NRXN1: variants seen among roughly 807,000 people sequenced by gnomAD.
NRXN1 encodes neurexin 1.
In NRXN1, 39 loss-of-function variants were observed where a neutral mutation model predicts 150.9. The ratio of observed to expected loss-of-function variants is 0.26; its 90% confidence interval spans 0.20 to 0.34. The LOEUF is 0.34. Ranked by LOEUF, NRXN1 falls within the 10% of genes least tolerant of loss-of-function variation. The pLI, the probability that NRXN1 is intolerant of heterozygous loss-of-function variation, is 1.00. For synonymous variants in NRXN1, 924 were observed against 757.0 expected (o/e 1.22, Z -3.62); for missense variants, 1,815 against 1,949.9 (o/e 0.93, Z 1.30).
Position 50,610,675 on chromosome 2 carries a change from A to ATATC in NRXN1, c.1320+9343_1320+9346dup, listed in dbSNP as rs1263348359. Among the ~76,000 whole-genome samples the ATATC allele has an allele frequency of 2.3e-5, 3 of 129,910 alleles. 1 individual carries two copies. The highest frequency in any genetic ancestry group is 4.8e-5 in the Non-Finnish European group (3 of 62,132). The allele number at this position is 129,910 out of a possible 152,430, so 85.2% of individuals were successfully genotyped here. On this transcript the variant is annotated intron_variant, in intron 8 of 22. Coordinates refer to ENST00000401669, the MANE Select transcript of NRXN1 (RefSeq NM_001330078.2). The stretch of plus-strand genomic sequence containing the variant: ...TATATATATATATATATATATATAT[A>ATATC]TATCTGTACAAAACAGAATAGCCAG...
chr2:50,016,986 T>A (rs1686746570), intron 21 of NRXN1, among the ~76,000 whole-genome samples: 1 of 152,132 alleles, frequency 6.6e-6, no homozygotes, highest in Non-Finnish European at 1.5e-5. Flanking sequence ...AGCCCATCCA[T>A]CCTGCCACCT....
At chr2:50,555,779 T>C (rs1173069884) in intron 8 of NRXN1, among the ~76,000 whole-genome samples, 1 of 152,208 alleles carries the variant, frequency 6.6e-6, no homozygotes, top group Middle Eastern at 3.2e-3. Flanking sequence ...AATTACTATT[T>C]TGCCCTATTT....
At chr2:49,976,225 G>T (rs1164594547) in intron 21 of NRXN1, among the ~76,000 whole-genome samples, 5 of 150,948 alleles carry the variant, frequency 3.3e-5, no homozygotes, top group African/African-American at 9.8e-5. Context: ...TAGAGATGGG[G>T]TTACACCATG....
At chr2:50,252,938 T>C (rs1482903215) in intron 17 of NRXN1, among the ~76,000 whole-genome samples, 10 of 152,228 alleles carry the variant, frequency 6.6e-5, no homozygotes, top group Middle Eastern at 3.2e-3. Flanking sequence ...TTTTTTCTAA[T>C]TCTGTAAAGA....
intron 5 of NRXN1, among the ~76,000 whole-genome samples, chr2:50,759,345 A>G (rs1263301708): frequency 2.0e-5 from 3 of 151,816 alleles, no homozygotes; most frequent in Admixed American, 6.6e-5. Context: ...GACTTCCACA[A>G]CTCGGAAATA....
intron 18 of NRXN1, among the ~76,000 whole-genome samples, chr2:50,138,764 T>C (rs1246570959): frequency 6.6e-6 from 1 of 152,246 alleles, no homozygotes; most frequent in Non-Finnish European, 1.5e-5. Flanking sequence ...CATCTTATGT[T>C]ATTGTTCCAT....
intron 18 of NRXN1, among the ~76,000 whole-genome samples, chr2:50,198,451 G>A (rs578227213): frequency 9.9e-5 from 15 of 152,060 alleles, no homozygotes; most frequent in East Asian, 1.9e-4. Context: ...CACTTCCTTC[G>A]TATTTTCCCA....
intron 18 of NRXN1, among the ~76,000 whole-genome samples, chr2:50,140,139 T>C (rs1170680224): frequency 1.3e-5 from 2 of 152,152 alleles, no homozygotes; most frequent in East Asian, 1.9e-4. Flanking sequence ...TTAAAATATA[T>C]ACAGCATGAA....
intron 17 of NRXN1, among the ~76,000 whole-genome samples, chr2:50,323,427 C>G (rs528911009): frequency 1.1e-4 from 16 of 152,172 alleles, no homozygotes; most frequent in African/African-American, 3.6e-4. Flanking sequence ...AGACTAGAAC[C>G]ACTAAAGAGC....
At chr2:50,011,390 C>T (rs1389615144) in intron 21 of NRXN1, among the ~76,000 whole-genome samples, 2 of 152,118 alleles carry the variant, frequency 1.3e-5, no homozygotes, top group Non-Finnish European at 2.9e-5. Context: ...CAGAAATAAA[C>T]ATGTTCAGAG....
intron 8 of NRXN1, among the ~76,000 whole-genome samples, chr2:50,587,210 C>A (rs558802317): frequency 9.2e-5 from 14 of 152,420 alleles, no homozygotes; most frequent in Non-Finnish European, 1.8e-4. Context: ...TTTGGCCAGG[C>A]ATGGTGGCTC....
intron 2 of NRXN1, among the ~76,000 whole-genome samples, chr2:50,985,187 G>T (rs992817827): frequency 6.6e-6 from 1 of 151,894 alleles, no homozygotes; most frequent in Non-Finnish European, 1.5e-5. Context: ...CAAAAATGCT[G>T]TAGGTTTGGT....
At chr2:50,743,094 T>C (rs1699627401) in intron 5 of NRXN1, among the ~76,000 whole-genome samples, 1 of 152,148 alleles carries the variant, frequency 6.6e-6, no homozygotes, top group African/African-American at 2.4e-5. Flanking sequence ...GACAACAAAA[T>C]TAGAACATTT....
chr2:51,011,719 C>T (rs1354089054), intron 2 of NRXN1, among the ~76,000 whole-genome samples: 1 of 151,896 alleles, frequency 6.6e-6, no homozygotes, highest in African/African-American at 2.4e-5. Flanking sequence ...GATAAGGAGA[C>T]CAATTTATAT....
chr2:50,668,207 G>A (rs1688340215), intron 5 of NRXN1, among the ~76,000 whole-genome samples: 1 of 151,854 alleles, frequency 6.6e-6, no homozygotes, highest in Non-Finnish European at 1.5e-5. Flanking sequence ...CATTTTCACA[G>A]ATCATACACT....
intron 18 of NRXN1, among the ~76,000 whole-genome samples, chr2:50,209,320 C>A (rs765820508): frequency 1.3e-5 from 2 of 152,100 alleles, no homozygotes; most frequent in Non-Finnish European, 2.9e-5. Context: ...GAGTCTAATT[C>A]AAGGCATTAA....
At chr2:50,915,542 T>C (rs1419622365) in intron 5 of NRXN1, among the ~76,000 whole-genome samples, 1 of 151,592 alleles carries the variant, frequency 6.6e-6, no homozygotes, top group Non-Finnish European at 1.5e-5. Flanking sequence ...ATAATTTTGA[T>C]TGAGGATAAT....
intron 9 of NRXN1, 134 bp downstream of exon 9, chr2:50,552,453 A>G: frequency 3.0e-6 from 2 of 674,270 alleles, no homozygotes; most frequent in South Asian, 1.9e-5. Flanking sequence ...CAGAAGCAAT[A>G]TCAGGCAATT....
At chr2:50,163,200 T>G (rs1247510407) in intron 18 of NRXN1, among the ~76,000 whole-genome samples, 1 of 137,618 alleles carries the variant, frequency 7.3e-6, no homozygotes, top group East Asian at 1.9e-4. Flanking sequence ...CAATACTAAA[T>G]GTAGTATCTT....
Sources: gnomAD v4.1 joint callset for allele counts (sites outside exome capture counted in the v4.1 genomes callset) on GRCh38, gnomAD v4.1.1 for gene constraint, MANE v1.5 for transcripts, NCBI Gene and HGNC (gene_info 2026-07-23, HGNC 2026-07-21) for gene names.